Variants in WARS2 observed in about 807,000 individuals in gnomAD.
WARS2 encodes the protein tryptophan--tRNA ligase, mitochondrial.
WARS2 carries 28 observed loss-of-function variants against 36.5 expected under a neutral mutation model. The ratio of observed to expected loss-of-function variants is 0.77; its 90% CI spans 0.57 to 1.05. The LOEUF (loss-of-function observed/expected upper bound fraction) is 1.05. Among genes scored for constraint, WARS2 ranks in the 50% least tolerant of loss-of-function variants. The pLI is 0.00. For synonymous variants in WARS2, 174 were observed against 178.4 expected, an observed-to-expected ratio of 0.98 and a Z score of 0.20; for missense variants, 435 against 456.8, an observed-to-expected ratio of 0.95 and a Z score of 0.44.
At chr1:119,101,073 AG>A (rs1188195547) in intron 1 of WARS2, among the ~76,000 whole-genome samples, 1 of 152,144 alleles carries the variant, frequency 6.6e-6, no homozygotes, top group Non-Finnish European at 1.5e-5. Flanking sequence ...TGTGGGTGAG[AG>A]GGGAGGATGA....
chr1:119,085,792 C>T (rs777026050), intron 1 of WARS2: 90 of 1,607,524 alleles, frequency 5.6e-5, no homozygotes, highest in Non-Finnish European at 7.4e-5. Context: ...TGTGAGAACA[C>T]ACAGATGATG....
chr1:119,100,289 A>C (rs1653763186), intron 1 of WARS2, among the ~76,000 whole-genome samples: 1 of 152,152 alleles, frequency 6.6e-6, no homozygotes, highest in South Asian at 2.1e-4. Context: ...GGTAGAAAAT[A>C]ATGGATGTTG....
intron 2 of WARS2, among the ~76,000 whole-genome samples, chr1:119,049,300 T>G (rs1399386651): frequency 6.6e-6 from 1 of 152,146 alleles, no homozygotes; most frequent in Non-Finnish European, 1.5e-5. Context: ...CCATCTCCCT[T>G]CTGGCTCCCC....
chr1:119,134,510 A>AC (rs2101578688), intron 1 of WARS2, among the ~76,000 whole-genome samples: 1 of 152,268 alleles, frequency 6.6e-6, no homozygotes, highest in African/African-American at 2.4e-5. Context: ...ACCTAACAGA[A>AC]CTCAGGTGAT....
intron 2 of WARS2, among the ~76,000 whole-genome samples, chr1:119,074,949 C>T (rs1174030163): frequency 1.3e-5 from 2 of 152,048 alleles, no homozygotes. Flanking sequence ...AATAGGTACA[C>T]ATGGACATAT....
intron 1 of WARS2, among the ~76,000 whole-genome samples, chr1:119,132,869 T>C (rs2101574235): frequency 6.6e-6 from 1 of 152,338 alleles, no homozygotes; most frequent in East Asian, 1.9e-4. Context: ...TAAGAACTCC[T>C]TCAAAGGACA....
chr1:119,033,422 ATG>A (rs780726499), intron 5 of WARS2, 63 bp from the exon 6 acceptor site: 1 of 1,588,844 alleles, frequency 6.3e-7, no homozygotes, highest in Admixed American at 1.7e-5. Flanking sequence ...GATCACCAAG[ATG>A]TACACACAGA....
chr1:119,046,005 A>T (rs6658135), intron 2 of WARS2, among the ~76,000 whole-genome samples: 2 of 150,976 alleles, frequency 1.3e-5, no homozygotes, highest in African/African-American at 2.4e-5. Context: ...GCACACACAC[A>T]CTCTCTCTCT....
At chr1:119,127,157 T>C (rs921018806) in intron 1 of WARS2, 30 of 727,276 alleles carry the variant, frequency 4.1e-5, no homozygotes, top group Admixed American at 2.1e-4. Flanking sequence ...CTAGCATCTT[T>C]CCAGTATTTC....
intron 1 of WARS2, among the ~76,000 whole-genome samples, chr1:119,120,026 A>G (rs1486435007): frequency 3.3e-5 from 5 of 152,096 alleles, no homozygotes; most frequent in Non-Finnish European, 5.9e-5. Flanking sequence ...GAACAAACCA[A>G]ACCCAAACCC....
At chr1:119,042,395 C>T (rs759386863) in intron 3 of WARS2, 46 bp from the exon 4 acceptor site, 3 of 1,576,606 alleles carry the variant, frequency 1.9e-6, no homozygotes, top group South Asian at 1.1e-5. Flanking sequence ...TGAAATCTGA[C>T]TTGAACCTAA....
At chr1:119,098,861 C>T (rs587664498) in intron 1 of WARS2, among the ~76,000 whole-genome samples, 60 of 152,182 alleles carry the variant, frequency 3.9e-4, no homozygotes, top group African/African-American at 1.3e-3. Flanking sequence ...CTCAGCCTTC[C>T]GAGTAGTTGG....
intron 1 of WARS2, among the ~76,000 whole-genome samples, 161 bp from the exon 2 acceptor site, chr1:119,076,768 C>T (rs745974934): frequency 2.6e-5 from 4 of 152,098 alleles, no homozygotes; most frequent in Admixed American, 6.6e-5. Context: ...AATCACTATG[C>T]TAGGTGCTAC....
chr1:119,103,982 TA>T (rs1431957205), intron 1 of WARS2, among the ~76,000 whole-genome samples: 3 of 150,772 alleles, frequency 2.0e-5, no homozygotes, highest in South Asian at 2.1e-4. Context: ...ATTTTTAAAA[TA>T]AAAAATATAT....
At chr1:119,037,089 A>G (rs1647946050) in intron 4 of WARS2, among the ~76,000 whole-genome samples, 1 of 152,178 alleles carries the variant, frequency 6.6e-6, no homozygotes, top group South Asian at 2.1e-4. Context: ...TTCTTTAAAA[A>G]TTTATACCCT....
chr1:119,126,407 A>T, intron 1 of WARS2: 1 of 309,026 alleles, frequency 3.2e-6, no homozygotes, highest in Non-Finnish European at 6.0e-6. Flanking sequence ...TGTGCCTAGC[A>T]CTGTTCTACA....
chr1:119,100,732 C>T (rs587689253), intron 1 of WARS2, among the ~76,000 whole-genome samples: 28 of 152,290 alleles, frequency 1.8e-4, no homozygotes, highest in Middle Eastern at 3.4e-3. Flanking sequence ...CTGATCTCGG[C>T]TCACTGTAGC....
intron 1 of WARS2, among the ~76,000 whole-genome samples, chr1:119,132,376 G>A (rs1305678429): frequency 6.6e-6 from 1 of 152,110 alleles, no homozygotes; most frequent in Non-Finnish European, 1.5e-5. Context: ...CAGTCGGTGG[G>A]CCAATCTGAC....
chr1:119,046,507 C>G (rs1648851051), intron 2 of WARS2, among the ~76,000 whole-genome samples: 1 of 131,836 alleles, frequency 7.6e-6, no homozygotes, highest in South Asian at 2.4e-4. Flanking sequence ...GTCACCACAT[C>G]CGGCTAATTT....
Sources: allele counts gnomAD v4.1 joint callset (sites outside exome capture counted in the v4.1 genomes callset), GRCh38; gene constraint gnomAD v4.1.1; transcripts MANE v1.5; gene names NCBI Gene and HGNC (gene_info 2026-07-23, HGNC 2026-07-21).